XPR1: variants seen among roughly 807,000 people sequenced by gnomAD.
XPR1 encodes solute carrier family 53 member 1.
In XPR1, 28 loss-of-function variants were observed where a neutral mutation model predicts 87.5. The ratio of observed to expected loss-of-function variants is 0.32; its 90% CI spans 0.24 to 0.44. The LOEUF is 0.44. Among genes scored for constraint, XPR1 ranks in the 20% least tolerant of loss-of-function variants. The pLI, the probability that XPR1 is intolerant of heterozygous loss-of-function variation, is 1.00. For missense variants in XPR1, 559 were observed against 862.3 expected (o/e 0.65, Z 4.41); for synonymous variants, 300 against 306.1 (o/e 0.98, Z 0.21).
intron 2 of XPR1, among the ~76,000 whole-genome samples, chr1:180,716,265 C>A (rs575031772): frequency 6.7e-6 from 1 of 150,218 alleles, no homozygotes; most frequent in South Asian, 2.1e-4. Context: ...TTTTTTTTTT[C>A]TTTTTGTAGT....
intron 2 of XPR1, among the ~76,000 whole-genome samples, chr1:180,683,272 A>G (rs560855604): frequency 2.0e-5 from 3 of 152,230 alleles, no homozygotes; most frequent in Admixed American, 6.5e-5. Flanking sequence ...AGTTTCATCC[A>G]TGACCCTACA....
chr1:180,662,875 C>G (rs1459002170), intron 1 of XPR1, among the ~76,000 whole-genome samples: 1 of 151,968 alleles, frequency 6.6e-6, no homozygotes, highest in African/African-American at 2.4e-5. Flanking sequence ...TCTTTAAGCT[C>G]ACTATTTTTT....
intron 2 of XPR1, among the ~76,000 whole-genome samples, chr1:180,689,363 C>G (rs1389473398): frequency 6.6e-6 from 1 of 152,046 alleles, no homozygotes; most frequent in African/African-American, 2.4e-5. Flanking sequence ...CCTTGTGTCT[C>G]TATTTTTAAA....
intron 1 of XPR1, among the ~76,000 whole-genome samples, chr1:180,653,622 C>T (rs941730967): frequency 2.6e-5 from 4 of 152,034 alleles, no homozygotes; most frequent in Non-Finnish European, 4.4e-5. Flanking sequence ...ATGATTGTTT[C>T]TATACATACA....
At chr1:180,733,369 C>T (rs893100341) in intron 2 of XPR1, among the ~76,000 whole-genome samples, 3 of 152,172 alleles carry the variant, frequency 2.0e-5, no homozygotes, top group South Asian at 2.1e-4. Flanking sequence ...CCAGTACTCC[C>T]GTATCATTTT....
intron 3 of XPR1, among the ~76,000 whole-genome samples, chr1:180,796,202 G>A (rs1162572664): frequency 6.6e-6 from 1 of 152,126 alleles, no homozygotes; most frequent in Admixed American, 6.6e-5. Flanking sequence ...TCCAGGTTCT[G>A]TGCAGTCCCA....
At chr1:180,765,537 T>C (rs577043548) in intron 2 of XPR1, among the ~76,000 whole-genome samples, 1 of 152,304 alleles carries the variant, frequency 6.6e-6, no homozygotes, top group African/African-American at 2.4e-5. Context: ...AGGGTTGGTT[T>C]CAGGACTCCC....
intron 1 of XPR1, among the ~76,000 whole-genome samples, chr1:180,668,411 G>A (rs982231953): frequency 6.6e-6 from 1 of 152,146 alleles, no homozygotes; most frequent in Non-Finnish European, 1.5e-5. Context: ...TTACAGGCGT[G>A]AGCCACTGCA....
intron 11 of XPR1, among the ~76,000 whole-genome samples, chr1:180,838,548 TG>T (rs1439626524): frequency 2.0e-5 from 3 of 152,210 alleles, no homozygotes; most frequent in Admixed American, 6.5e-5. Context: ...GATAGTATTG[TG>T]GGCTTAAGAC....
In XPR1 at chr1:180,689,701, C is replaced by T. The variant is rs149387173; in HGVS notation, c.121+7290C>T. ...TAGAGAAATCTGGGTAATGTATGGA[C>T]TTTAGTTAATAATAATGTATCATTA... On this transcript the variant is annotated intron_variant, in intron 2 of 14. Coordinates refer to ENST00000367590, the MANE Select transcript of XPR1 (RefSeq NM_004736.4). 2.9e-3 allele frequency among the ~76,000 whole-genome samples: 440 copies of T among 152,164 alleles called. 3 individuals carry two copies. Among genetic ancestry groups the T allele is most frequent in the African/African-American group, 9.6e-3 (399 of 41,516 alleles).
chr1:180,670,797 A>G (rs1296796714), intron 1 of XPR1, among the ~76,000 whole-genome samples: 1 of 152,238 alleles, frequency 6.6e-6, no homozygotes, highest in Non-Finnish European at 1.5e-5. Context: ...CAAACCTAGT[A>G]GTAACAAACT....
intron 2 of XPR1, among the ~76,000 whole-genome samples, chr1:180,770,092 C>T (rs555334220): frequency 6.6e-6 from 1 of 152,312 alleles, no homozygotes; most frequent in Admixed American, 6.5e-5. Context: ...GTCAGCATAT[C>T]TCTGTAGTTG....
At chr1:180,730,207 G>T (rs755980881) in intron 2 of XPR1, among the ~76,000 whole-genome samples, 1 of 152,058 alleles carries the variant, frequency 6.6e-6, no homozygotes, top group Admixed American at 6.6e-5. Flanking sequence ...TAGGTGTGCA[G>T]CTTTATTTCT....
At chr1:180,687,710 A>G (rs768950463) in intron 2 of XPR1, among the ~76,000 whole-genome samples, 41 of 152,124 alleles carry the variant, frequency 2.7e-4, no homozygotes, top group Non-Finnish European at 5.1e-4. Flanking sequence ...AGTGAATTTC[A>G]TGAATCAGTT....
Position 180,890,091 on chromosome 1 carries a change from G to C in XPR1, c.*6025G>C, listed in dbSNP as rs1653143027. On this transcript the variant is annotated 3_prime_UTR_variant, in exon 15 of 15. Coordinates refer to ENST00000367590, the MANE Select transcript of XPR1 (RefSeq NM_004736.4). The stretch of plus-strand genomic sequence containing the variant: ...TTATGACTTATGAAGTTCCCTTCTT[G>C]ATAAGTAGGTTAAATGCACAATGTG... 1 of 152,164 alleles carries C rather than the reference G, an allele frequency of 6.6e-6. No homozygotes were observed. Among genetic ancestry groups the C allele is most frequent in the Non-Finnish European group, 1.5e-5 (1 of 68,038 alleles). 9.4% of individuals were successfully genotyped at this position (152,164 alleles called of 1,614,324 possible).
intron 3 of XPR1, among the ~76,000 whole-genome samples, chr1:180,800,555 A>G (rs182533464): frequency 1.3e-3 from 192 of 152,368 alleles, no homozygotes; most frequent in African/African-American, 4.4e-3. Flanking sequence ...AGAGCCTGAC[A>G]GAGAACCTAG....
intron 1 of XPR1, among the ~76,000 whole-genome samples, chr1:180,663,106 C>T (rs913500536): frequency 2.6e-5 from 4 of 152,180 alleles, no homozygotes; most frequent in African/African-American, 4.8e-5. Context: ...TCTCATATCT[C>T]CATTTCTCTG....
chr1:180,663,294 G>A (rs953333315), intron 1 of XPR1, among the ~76,000 whole-genome samples: 1 of 152,214 alleles, frequency 6.6e-6, no homozygotes, highest in East Asian at 1.9e-4. Context: ...TATTCAAAGA[G>A]ACTTGGGTGT....
At chr1:180,708,771 T>A (rs1408034069) in intron 2 of XPR1, among the ~76,000 whole-genome samples, 1 of 152,170 alleles carries the variant, frequency 6.6e-6, no homozygotes, top group Non-Finnish European at 1.5e-5. Flanking sequence ...TTTTTTATGT[T>A]GTAAAGTTAA....
Sources: gnomAD v4.1 joint callset for allele counts (sites outside exome capture counted in the v4.1 genomes callset) on GRCh38, gnomAD v4.1.1 for gene constraint, MANE v1.5 for transcripts, NCBI Gene and HGNC (gene_info 2026-07-23, HGNC 2026-07-21) for gene names.